AP3D1: variants seen among roughly 807,000 people sequenced by gnomAD.
The protein encoded by AP3D1 is AP-3 complex subunit delta-1.
AP3D1 carries 51 observed loss-of-function variants against 147.6 expected under a neutral mutation model. The observed-to-expected ratio is 0.35, with a 90% CI of 0.28 to 0.44. AP3D1 has a LOEUF of 0.44. Among genes scored for constraint, AP3D1 ranks in the 20% least tolerant of loss-of-function variants. AP3D1 has a pLI of 1.00. For synonymous variants in AP3D1, 760 were observed against 663.0 expected (o/e 1.15, Z -2.25); for missense variants, 1,421 against 1,624.2 (o/e 0.87, Z 2.15).
chr19:2,114,755 G>C lies in AP3D1; in HGVS notation c.2416C>G (p.Leu806Val). The change falls in exon 21 of 32, where the codon CTG becomes GTG. Residue 806 changes from leucine to valine, a missense_variant. Around this residue, in one of 6 missense-constraint regions of AP3D1, gnomAD observed 791 missense variants for 761.4 expected, o/e 1.04. Coordinates refer to ENST00000643116, the MANE Select transcript of AP3D1 (RefSeq NM_001261826.3). ...GAACCCATATGGACTCACTTATCCA[G>C]GTCAATATCCAGAGCCCTGTAGGGG... ...NDPYRALDID[L>V]DKPLADSEKL... is the part of the protein sequence containing the mutation. 1 of 1,613,088 alleles carries C rather than the reference G, an allele frequency of 6.2e-7. No homozygotes were observed. The highest frequency in any genetic ancestry group is 8.5e-7 in the Non-Finnish European group (1 of 1,179,350).
At chr19:2,122,003 G>T in intron 11 of AP3D1, 124 bp from the exon 12 acceptor site, 1 of 1,127,952 alleles carries the variant, frequency 8.9e-7, no homozygotes, top group Non-Finnish European at 1.2e-6. Context: ...CAACCTGGGG[G>T]TGGACAGAGC....
At chr19:2,120,762 C>T (rs561133453) in intron 14 of AP3D1, 100 bp downstream of exon 14, 20 of 1,225,362 alleles carry the variant, frequency 1.6e-5, no homozygotes, top group South Asian at 6.9e-5. Context: ...GGTGGCAGGG[C>T]GATGGGAGAC....
Position 2,102,013 on chromosome 19 carries a change from G to T in AP3D1, c.*160C>A. 1.6e-6 allele frequency: 1 copy of T among 617,890 alleles called. No individual in the cohort carries two copies. The highest frequency in any genetic ancestry group is 1.9e-5 in the South Asian group (1 of 51,418). 38.3% of individuals were successfully genotyped at this position (617,890 alleles called of 1,614,324 possible). A position where few individuals can be genotyped will look rare whatever the true frequency, so the allele number is the denominator to read the frequency against. On this transcript the variant is annotated 3_prime_UTR_variant, in exon 32 of 32. Transcript: ENST00000643116. ...AAAAAGGATGGTCAGATAATTCAACGCAACAAATGACCTCGGATGTCTACA... is the reference window on the plus strand; with the variant it reads ...AAAAAGGATGGTCAGATAATTCAACTCAACAAATGACCTCGGATGTCTACA...
In AP3D1 at chr19:2,127,161, C is replaced by T. The variant is rs1383448509; in HGVS notation, c.847G>A (p.Val283Met). 2.5e-6 allele frequency: 4 copies of T among 1,613,880 alleles called. No homozygotes were observed. The highest frequency in any genetic ancestry group is 2.2e-5 in the East Asian group (1 of 44,898). ...GAGTGCCAGTTCTCACCTGCAATCA[C>T]GGTGTTCACACATTCATAGAGGAGA... ...MSLLYECVNTVIAVLISLSSG... is the reference protein window; with the variant it reads ...MSLLYECVNTMIAVLISLSSG... The change falls in exon 9 of 32, where the codon GTG (valine) becomes ATG (methionine). Residue 283 changes from valine to methionine, a missense_variant. Val to Met is a conservative substitution (Grantham distance 21). Transcript: ENST00000643116.
intron 1 of AP3D1, among the ~76,000 whole-genome samples, chr19:2,158,717 C>T (rs947491089): frequency 4.6e-5 from 7 of 151,816 alleles, no homozygotes; most frequent in African/African-American, 1.7e-4. Context: ...GATTCTCTTG[C>T]CTCAGCTTCC....
At chr19:2,154,383 G>A (rs189286819), upstream of AP3D1, among the ~76,000 whole-genome samples, 5 of 150,202 alleles carry the variant, frequency 3.3e-5, no homozygotes, top group Non-Finnish European at 7.4e-5. Context: ...TAGTTCAAGC[G>A]ATTCTCCTGC....
At chr19:2,128,710 G>A (rs1268193081) in intron 8 of AP3D1, among the ~76,000 whole-genome samples, 16 of 38 alleles carry the variant, frequency 0.42, 1 homozygote, top group Non-Finnish European at 0.5. Flanking sequence ...GCCCGCCCCC[G>A]CCGCTCCGAC....
chr19:2,156,706 A>G (rs1212255728), intron 1 of AP3D1, among the ~76,000 whole-genome samples: 2 of 151,756 alleles, frequency 1.3e-5, no homozygotes, highest in Admixed American at 6.6e-5. Flanking sequence ...AAAATTAGCC[A>G]GGCTTGGTGG....
In AP3D1 at chr19:2,158,141, C is replaced by T. The variant is rs149638591; in HGVS notation, c.-103+6215G>A. On this transcript the variant is annotated intron_variant, in intron 1 of 14. Coordinates refer to the AP3D1 transcript ENST00000643010. ...TGCGATCTCGGCTCACTGCAAGCTC[C>T]ACCTCCTGGGTTCACGCCATTCTCC... Among the ~76,000 whole-genome samples the T allele has an allele frequency of 4.9e-4, 75 of 152,118 alleles. No individual in the cohort carries two copies. The Middle Eastern group carries it at 0.014, about 28-fold the overall frequency.
At chr19:2,116,324 A>AC in intron 17 of AP3D1, 46 bp from the exon 18 acceptor site, 1 of 1,584,332 alleles carries the variant, frequency 6.3e-7, no homozygotes, top group African/African-American at 1.3e-5. Context: ...CGGGCAGGAT[A>AC]CCCCTCTGTG....
rs1011654481 is a variant in AP3D1, at chr19:2,101,824, G to A, written c.*349C>T. 3.8e-6 allele frequency: 1 copy of A among 266,060 alleles called. No individual in the cohort carries two copies. Among genetic ancestry groups the A allele is most frequent in the Non-Finnish European group, 7.2e-6 (1 of 138,186 alleles). The allele number at this position is 266,060 out of a possible 1,614,324, so 16.5% of individuals were successfully genotyped here. On this transcript the variant is annotated 3_prime_UTR_variant, in exon 32 of 32. Coordinates refer to ENST00000643116, the MANE Select transcript of AP3D1 (RefSeq NM_001261826.3). Reference sequence around the variant, plus strand: ...GCCCTGTCCACCAAGTGCCCCTCACGTGGTGCCCATCAGGCCCTGGCCCAG... The same window carrying A: ...GCCCTGTCCACCAAGTGCCCCTCACATGGTGCCCATCAGGCCCTGGCCCAG...
intron 9 of AP3D1, among the ~76,000 whole-genome samples, chr19:2,125,211 T>C (rs889387057): frequency 6.6e-6 from 1 of 152,210 alleles, no homozygotes; most frequent in African/African-American, 2.4e-5. Context: ...TACATATAAA[T>C]GTAAATACGA....
intron 26 of AP3D1, 147 bp from the exon 27 acceptor site, chr19:2,111,043 AGCGCCTCCTATGGCT>A (rs911666720): frequency 1.8e-4 from 173 of 971,212 alleles, no homozygotes; most frequent in Non-Finnish European, 2.0e-4. Context: ...CCGCAGGCCA[AGCGCCTCCTATGGCT>A]GCTCTTTGAG....
chr19:2,127,325 G>A (rs1231884688), intron 8 of AP3D1, 124 bp from the exon 9 acceptor site: 2 of 1,012,100 alleles, frequency 2.0e-6, no homozygotes, highest in Admixed American at 4.1e-5. Flanking sequence ...TGCCCCAGGA[G>A]GGAGCCCGTG....
chr19:2,139,858 C>T (rs914060129), intron 1 of AP3D1, among the ~76,000 whole-genome samples: 4 of 152,250 alleles, frequency 2.6e-5, no homozygotes, highest in Non-Finnish European at 5.9e-5. Flanking sequence ...TAGCTGGCCT[C>T]GAAGCAGCCC....
chr19:2,157,218 G>A (rs1241419833), intron 1 of AP3D1, among the ~76,000 whole-genome samples: 1 of 151,268 alleles, frequency 6.6e-6, no homozygotes, highest in Non-Finnish European at 1.5e-5. Flanking sequence ...CGAGGCGGGC[G>A]GATCACGAGG....
Position 2,121,399 on chromosome 19 carries a change from A to G in AP3D1, c.1102-88T>C, listed in dbSNP as rs2018607694. The G allele has an allele frequency of 2.7e-6, 4 of 1,490,532 alleles. No individual in the cohort carries two copies. The South Asian group carries it at 3.6e-5, about 13-fold the overall frequency. The allele number at this position is 1,490,532 out of a possible 1,614,324, so 92.3% of individuals were successfully genotyped here. ...ACCCAACACCTGCTCCTGAGACAGA[A>G]TCCACGGGACACAGGCGGACCCGGA... On this transcript the variant is annotated intron_variant, in intron 12 of 31. Coordinates refer to ENST00000643116, the MANE Select transcript of AP3D1 (RefSeq NM_001261826.3).
Position 2,130,523 on chromosome 19 carries a change from C to T in AP3D1, c.477G>A (p.Lys159=). 6.2e-7 allele frequency: 1 copy of T among 1,614,024 alleles called. No homozygotes were observed. The highest frequency in any genetic ancestry group is 2.2e-5 in the East Asian group (1 of 44,886). The change falls in exon 6 of 32, where the codon AAG becomes AAA. Residue 159 remains lysine (K), a synonymous_variant. Transcript: ENST00000643116. ...GCACAGCCTTCTTCCTGATGTAGGG[C>T]TTGGTGTGTGACATCTGCGGGGCAG... ...NDIMTLMSHT[K]PYIRKKAVLI...
intron 14 of AP3D1, among the ~76,000 whole-genome samples, chr19:2,119,809 G>A (rs949658646): frequency 2.0e-5 from 3 of 151,944 alleles, no homozygotes; most frequent in Non-Finnish European, 4.4e-5. Context: ...GAGCTTGGTG[G>A]CAGGTGCCTG....
Sources: gnomAD v4.1 joint callset for allele counts (sites outside exome capture counted in the v4.1 genomes callset) on GRCh38, gnomAD v4.1.1 for gene constraint, gnomAD v4.1.1 regional missense constraint, MANE v1.5 for transcripts, NCBI Gene and HGNC (gene_info 2026-07-23, HGNC 2026-07-21) for gene names.